RSU1: variants seen among roughly 807,000 people sequenced by gnomAD.
RSU1 encodes the protein rsu-1.
Under a neutral mutation model 31.1 loss-of-function variants are expected in RSU1, and 26 were observed. The ratio of observed to expected loss-of-function variants is 0.84; its 90% CI spans 0.61 to 1.16. RSU1 has a LOEUF of 1.16. Among genes scored for constraint, RSU1 ranks in the 50% most tolerant of loss-of-function variants. The probability of loss-of-function intolerance (pLI) is 0.00; values close to 1 mark genes in which losing one functional copy is unlikely to be tolerated. For missense variants in RSU1, 320 were observed against 339.1 expected (o/e 0.94, Z 0.44); for synonymous variants, 164 against 136.3 (o/e 1.20, Z -1.41).
intron 4 of RSU1, among the ~76,000 whole-genome samples, chr10:16,755,830 GAGA>G (rs1353597367): frequency 6.6e-6 from 1 of 152,158 alleles, no homozygotes; most frequent in Non-Finnish European, 1.5e-5. Context: ...ACATATAAGT[GAGA>G]AGGTGTGGTA....
In RSU1 at chr10:16,593,317, T is replaced by C. The variant is rs550272760; in HGVS notation, c.*77A>G. ...GGCCTCACACGCAGCATTGGGTTTATTTGAGAGACAGGGCAAGAGAGAATG... is the reference window on the plus strand; with the variant it reads ...GGCCTCACACGCAGCATTGGGTTTACTTGAGAGACAGGGCAAGAGAGAATG... On this transcript the variant is annotated 3_prime_UTR_variant, in exon 9 of 9. Transcript: ENST00000345264. 1.2e-5 allele frequency: 20 copies of C among 1,602,400 alleles called. No homozygotes were observed. The African/African-American group carries it at 2.4e-4, about 19-fold the overall frequency.
At chr10:16,681,616 T>G (rs1283637287) in intron 8 of RSU1, among the ~76,000 whole-genome samples, 1 of 152,130 alleles carries the variant, frequency 6.6e-6, no homozygotes, top group African/African-American at 2.4e-5. Context: ...AATAAAGAAC[T>G]GAGGATTAGA....
intron 3 of RSU1, among the ~76,000 whole-genome samples, chr10:16,775,687 C>T (rs917397760): frequency 1.3e-5 from 2 of 152,274 alleles, no homozygotes; most frequent in South Asian, 4.1e-4. Context: ...GCCAAAAAAT[C>T]GCAACACATG....
intron 3 of RSU1, among the ~76,000 whole-genome samples, chr10:16,774,253 T>C (rs1370114758): frequency 2.0e-5 from 3 of 152,198 alleles, no homozygotes; most frequent in Non-Finnish European, 4.4e-5. Context: ...TCATCAAGAA[T>C]GAGTTCTGTG....
chr10:16,705,354 C>CA (rs1369814184), intron 7 of RSU1, among the ~76,000 whole-genome samples: 8 of 152,190 alleles, frequency 5.3e-5, no homozygotes, highest in African/African-American at 1.9e-4. Flanking sequence ...AACCTATACA[C>CA]ATCCTCTGTA....
At chr10:16,608,658 T>C (rs1833843527) in intron 8 of RSU1, among the ~76,000 whole-genome samples, 1 of 152,114 alleles carries the variant, frequency 6.6e-6, no homozygotes, top group Non-Finnish European at 1.5e-5. Context: ...GGCAATGGGA[T>C]AATGGAGACG....
At chr10:16,673,762 G>A (rs1588707188) in intron 8 of RSU1, among the ~76,000 whole-genome samples, 1 of 152,304 alleles carries the variant, frequency 6.6e-6, no homozygotes, top group East Asian at 1.9e-4. Context: ...AAGACTGCGT[G>A]ATGACTGAGG....
intron 8 of RSU1, among the ~76,000 whole-genome samples, chr10:16,688,713 G>C (rs954517872): frequency 6.6e-6 from 1 of 152,144 alleles, no homozygotes; most frequent in East Asian, 1.9e-4. Flanking sequence ...CTACCTTTAT[G>C]TTAAAAGCCA....
chr10:16,758,688 A>G (rs531756963), intron 4 of RSU1, among the ~76,000 whole-genome samples: 2 of 152,318 alleles, frequency 1.3e-5, no homozygotes, highest in South Asian at 4.1e-4. Flanking sequence ...CATGGCTCAC[A>G]CGTGGCTTCT....
intron 8 of RSU1, among the ~76,000 whole-genome samples, chr10:16,679,825 C>T (rs1000139373): frequency 6.7e-6 from 1 of 148,780 alleles, no homozygotes; most frequent in Admixed American, 6.7e-5. Flanking sequence ...GGCAAAGATA[C>T]GGTGATGGAA....
At chr10:16,616,650 T>A (rs1007372715) in intron 8 of RSU1, among the ~76,000 whole-genome samples, 1 of 152,064 alleles carries the variant, frequency 6.6e-6, no homozygotes, top group Non-Finnish European at 1.5e-5. Flanking sequence ...CAGCAGCACA[T>A]CAAAAAGCGT....
At chr10:16,680,039 G>T (rs1320334735) in intron 8 of RSU1, among the ~76,000 whole-genome samples, 1 of 151,858 alleles carries the variant, frequency 6.6e-6, no homozygotes, top group Admixed American at 6.6e-5. Context: ...GCACCACCAT[G>T]CCTGGCTAAT....
intron 2 of RSU1, among the ~76,000 whole-genome samples, chr10:16,783,320 G>A (rs1480472811): frequency 6.7e-6 from 1 of 149,956 alleles, no homozygotes; most frequent in Non-Finnish European, 1.5e-5. Context: ...GGCTCAGCAC[G>A]CTTTGAAGAA....
At chr10:16,597,448 C>A (rs540326320) in intron 8 of RSU1, among the ~76,000 whole-genome samples, 1 of 152,284 alleles carries the variant, frequency 6.6e-6, no homozygotes, top group South Asian at 2.1e-4. Context: ...TGCTCAAATC[C>A]TGCTTTTGAC....
intron 8 of RSU1, among the ~76,000 whole-genome samples, chr10:16,625,715 G>A (rs191983150): frequency 3.3e-5 from 5 of 152,306 alleles, no homozygotes; most frequent in South Asian, 2.1e-4. Context: ...GAAAGTGGAC[G>A]GAAATCAAGA....
intron 8 of RSU1, among the ~76,000 whole-genome samples, chr10:16,627,795 T>C (rs1834184398): frequency 6.7e-6 from 1 of 150,288 alleles, no homozygotes; most frequent in Non-Finnish European, 1.5e-5. Context: ...AGTAACCGAA[T>C]TATGGTACTG....
intron 8 of RSU1, among the ~76,000 whole-genome samples, chr10:16,685,310 G>A (rs185238096): frequency 3.9e-4 from 59 of 152,212 alleles, no homozygotes; most frequent in Non-Finnish European, 7.5e-4. Flanking sequence ...AAGGGGTCGC[G>A]ATCCAGACCC....
intron 3 of RSU1, among the ~76,000 whole-genome samples, chr10:16,780,897 C>T (rs1386141859): frequency 6.6e-6 from 1 of 152,176 alleles, no homozygotes. Flanking sequence ...ACAACTGTGC[C>T]GTCACTCTGC....
intron 8 of RSU1, among the ~76,000 whole-genome samples, chr10:16,609,041 C>T (rs1037851306): frequency 1.3e-5 from 2 of 151,090 alleles, no homozygotes; most frequent in Admixed American, 6.6e-5. Flanking sequence ...CTATATTGCC[C>T]AGGCTAATAT....
Sources: gnomAD v4.1 joint callset for allele counts (sites outside exome capture counted in the v4.1 genomes callset) on GRCh38, gnomAD v4.1.1 for gene constraint, MANE v1.5 for transcripts, NCBI Gene and HGNC (gene_info 2026-07-23, HGNC 2026-07-21) for gene names.